Variants in GRIN1 observed in about 807,000 individuals in gnomAD.
GRIN1 encodes glutamate receptor ionotropic, NMDA 1.
A neutral mutation model predicts 103.0 loss-of-function variants in GRIN1; 38 were observed. The observed-to-expected ratio is 0.37, with a 90% CI of 0.28 to 0.48. The LOEUF is 0.48. Ranked by LOEUF, GRIN1 falls within the 20% of genes least tolerant of loss-of-function variation. The pLI is 0.98. For synonymous variants in GRIN1, 544 were observed against 532.7 expected (o/e 1.02, Z -0.29); for missense variants, 577 against 1,288.9 (o/e 0.45, Z 8.46).
chr9:137,165,795 CGTCT>C (rs759769133), intron 19 of GRIN1, among the ~76,000 whole-genome samples: 2 of 152,230 alleles, frequency 1.3e-5, no homozygotes, highest in Non-Finnish European at 2.9e-5. Flanking sequence ...CCATCCCGTC[CGTCT>C]GTCTGGCCAC....
At chr9:137,163,143 C>T (rs748096094) in intron 15 of GRIN1, 26 bp from the exon 16 acceptor site, 2 of 1,610,882 alleles carry the variant, frequency 1.2e-6, no homozygotes, top group Non-Finnish European at 1.7e-6. Flanking sequence ...GGACCAAGGC[C>T]CCCGTGACTC....
At position 137,162,003 on chromosome 9, in the gene GRIN1, C is replaced by A; in HGVS notation, c.1547C>A (p.Pro516Gln). ...LSGQADMIVA[P>Q]LTINNERAQY... The stretch of plus-strand genomic sequence containing the variant: ...GGGCAGGCAGACATGATCGTGGCGC[C>A]GCTAACCATAAACAACGAGCGCGCG... The change falls in exon 11 of 20, where the codon CCG (proline) becomes CAG (glutamine). Residue 516 changes from proline (P) to glutamine (Q), a missense_variant. By Grantham distance (76) the Pro-to-Gln change is moderately conservative. This residue lies in a region of GRIN1 where 96 missense variants were observed against 145.0 expected (regional missense o/e 0.66). Transcript: ENST00000371561. The A allele has an allele frequency of 6.4e-7, 1 of 1,557,988 alleles. No individual in the cohort carries two copies. Among genetic ancestry groups the A allele is most frequent in the Non-Finnish European group, 8.7e-7 (1 of 1,151,094 alleles).
chr9:137,162,615 GC>G lies in GRIN1; in HGVS notation c.1890del (p.Ile631SerfsTer11). 1.9e-6 allele frequency: 3 copies of G among 1,612,472 alleles called. No homozygotes were observed. The highest frequency in any genetic ancestry group is 2.5e-6 in the Non-Finnish European group (3 of 1,179,726). ...GGCGCCCCCAGAAGCTTCTCAGCGC[GC>G]ATCCTGGGCATGGTGTGGGCCGGCT... ...GEGAPRSFSA[R>X]ILGMVWAGFA... On this transcript the variant is annotated frameshift_variant, in exon 14 of 20. Coordinates refer to ENST00000371561, the MANE Select transcript of GRIN1 (RefSeq NM_007327.4). LOFTEE classifies it high-confidence loss of function.
intron 4 of GRIN1, among the ~76,000 whole-genome samples, chr9:137,151,858 G>A (rs1044266928): frequency 6.9e-6 from 1 of 145,728 alleles, no homozygotes; most frequent in East Asian, 2.0e-4. Context: ...TAGAGACGGG[G>A]TTTCACCATG....
At chr9:137,161,631 GCC>G (rs1833549694) in intron 10 of GRIN1, among the ~76,000 whole-genome samples, 1 of 141,816 alleles carries the variant, frequency 7.1e-6, no homozygotes, top group Admixed American at 7.2e-5. Context: ...CATGGGAGGG[GCC>G]TGACGTGGGG....
At position 137,162,652 on chromosome 9, in the gene GRIN1, C is replaced by A; in HGVS notation, c.1926C>A (p.Ile642=). The A allele has an allele frequency of 6.2e-7, 1 of 1,612,482 alleles. No homozygotes were observed. Among genetic ancestry groups the A allele is most frequent in the Non-Finnish European group, 8.5e-7 (1 of 1,179,638 alleles). ...LGMVWAGFAM[I]IVASYTANLA... is the part of the protein sequence containing the mutation. Reference sequence around the variant, plus strand: ...TGGTGTGGGCCGGCTTTGCCATGATCATCGTGGCCTCCTACACCGCCAACC... The same window carrying A: ...TGGTGTGGGCCGGCTTTGCCATGATAATCGTGGCCTCCTACACCGCCAACC... The change falls in exon 14 of 20, where the codon ATC becomes ATA. Residue 642 remains isoleucine (I), a synonymous_variant. Coordinates refer to ENST00000371561, the MANE Select transcript of GRIN1 (RefSeq NM_007327.4).
rs1358649030 is a variant in GRIN1 at position 137,146,997 on chromosome 9, C to T, written c.570+1095C>T. 2.6e-5 allele frequency among the ~76,000 whole-genome samples: 4 copies of T among 151,102 alleles called. No individual in the cohort carries two copies. The highest frequency in any genetic ancestry group is 9.7e-5 in the African/African-American group (4 of 41,110). Reference sequence around the variant, plus strand: ...CCCCACCCAAGACAGTGCCCCTCACCCCAGTGCCCGACAGGCCCCTCCCCC... The same window carrying T: ...CCCCACCCAAGACAGTGCCCCTCACTCCAGTGCCCGACAGGCCCCTCCCCC... On this transcript the variant is annotated intron_variant, in intron 3 of 19. Coordinates refer to ENST00000371561, the MANE Select transcript of GRIN1 (RefSeq NM_007327.4). The surrounding 1 kb of genome is among the most constrained non-coding windows in gnomAD (Gnocchi z 6.7).
intron 8 of GRIN1, among the ~76,000 whole-genome samples, chr9:137,160,106 C>T (rs1464748212): frequency 1.3e-5 from 2 of 152,340 alleles, no homozygotes; most frequent in East Asian, 3.9e-4. Flanking sequence ...GGAGGGCGAG[C>T]CCAAGCAGGA....
Position 137,162,976 on chromosome 9 carries a change from C to A in GRIN1, c.2144C>A (p.Ala715Glu). ...GAGAAGCACAACTACGAGAGTGCGG[C>A]GGAGGCCATCCAGGCCGTGAGAGAC... ...HMEKHNYESA[A>E]EAIQAVRDNK... Residue 715 changes from alanine to glutamate, a missense_variant, in exon 15 of 20, where the codon GCG becomes GAG. Ala to Glu is a moderately radical substitution (Grantham distance 107). This residue lies in a region of GRIN1 where 59 missense variants were observed against 161.3 expected (regional missense o/e 0.37). Coordinates refer to ENST00000371561, the MANE Select transcript of GRIN1 (RefSeq NM_007327.4). The A allele has an allele frequency of 6.2e-7, 1 of 1,603,162 alleles. No homozygotes were observed. Among genetic ancestry groups the A allele is most frequent in the Non-Finnish European group, 8.5e-7 (1 of 1,175,848 alleles).
At chr9:137,165,842 T>A (rs1160745979) in intron 19 of GRIN1, among the ~76,000 whole-genome samples, 1 of 152,200 alleles carries the variant, frequency 6.6e-6, no homozygotes, top group Non-Finnish European at 1.5e-5. Flanking sequence ...GTCTCACCTG[T>A]CTCACCAGAG....
At chr9:137,144,396 T>G (rs13289049) in intron 2 of GRIN1, among the ~76,000 whole-genome samples, 1,915 of 150,010 alleles carry the variant, frequency 0.013, 16 homozygotes, top group Non-Finnish European at 0.02. Context: ...GGCTCACGCC[T>G]GTAATCCCAG....
In GRIN1 at chr9:137,162,637, C is replaced by T. The variant is rs1339439019; in HGVS notation, c.1911C>T (p.Ala637=). The T allele has an allele frequency of 1.2e-6, 2 of 1,612,712 alleles. No homozygotes were observed. Among genetic ancestry groups the T allele is most frequent in the Non-Finnish European group, 1.7e-6 (2 of 1,179,758 alleles). ...CGCGCATCCTGGGCATGGTGTGGGC[C>T]GGCTTTGCCATGATCATCGTGGCCT... The part of the protein sequence containing the change: ...FSARILGMVW[A]GFAMIIVASY... Residue 637 remains alanine, a synonymous_variant, in exon 14 of 20, where the codon GCC becomes GCT. Coordinates refer to ENST00000371561, the MANE Select transcript of GRIN1 (RefSeq NM_007327.4).
At chr9:137,161,593 C>A (rs1386929405) in intron 10 of GRIN1, among the ~76,000 whole-genome samples, 177 bp downstream of exon 10, 7 of 22,588 alleles carry the variant, frequency 3.1e-4, no homozygotes, top group Admixed American at 2.0e-3. Flanking sequence ...ATGGGGTGGG[C>A]GGGGCCTGAG....
chr9:137,142,177 G>C (rs758327327), intron 2 of GRIN1, 30 bp downstream of exon 2: 3 of 1,612,298 alleles, frequency 1.9e-6, no homozygotes, highest in Non-Finnish European at 2.5e-6. Context: ...CAGGCCTTCC[G>C]GCCCTCGGCC....
intron 19 of GRIN1, among the ~76,000 whole-genome samples, chr9:137,166,435 C>G (rs546599589): frequency 6.6e-6 from 1 of 152,358 alleles, no homozygotes; most frequent in Admixed American, 6.5e-5. Flanking sequence ...GTCTGGCCCA[C>G]AGGAAGCCCC....
At chr9:137,150,586 C>A (rs529252446) in intron 4 of GRIN1, among the ~76,000 whole-genome samples, 1 of 147,548 alleles carries the variant, frequency 6.8e-6, no homozygotes, top group South Asian at 2.1e-4. Flanking sequence ...GAAAGCCCCA[C>A]CCAGGGAAAG....
At chr9:137,164,381 C>T (rs1312538572) in intron 18 of GRIN1, 1 of 242,758 alleles carries the variant, frequency 4.1e-6, no homozygotes, top group Non-Finnish European at 8.2e-6. Context: ...TGCCTGGTGC[C>T]CAGGTTGTAT....
intron 4 of GRIN1, 78 bp from the exon 5 acceptor site, chr9:137,156,591 A>G: frequency 6.5e-7 from 1 of 1,545,816 alleles, no homozygotes; most frequent in Non-Finnish European, 8.7e-7. Flanking sequence ...CCTGCTCCAG[A>G]GGAGGAGGAC....
At chr9:137,157,275 G>C (rs766650268) in intron 6 of GRIN1, among the ~76,000 whole-genome samples, 5 of 152,122 alleles carry the variant, frequency 3.3e-5, no homozygotes, top group Admixed American at 6.5e-5. Flanking sequence ...GGTGGGCGGC[G>C]TCGCTCTCAG....
Sources: gnomAD v4.1 joint callset for allele counts (sites outside exome capture counted in the v4.1 genomes callset) on GRCh38, gnomAD v4.1.1 for gene constraint, gnomAD v4.1.1 regional missense constraint, Gnocchi (gnomAD v3.1) non-coding constraint, MANE v1.5 for transcripts, NCBI Gene and HGNC (gene_info 2026-07-23, HGNC 2026-07-21) for gene names.